NTF3: variants seen among roughly 807,000 people sequenced by gnomAD.
NTF3 encodes the protein neurotrophin 3, also known as neurotrophin-3.
A neutral mutation model predicts 26.3 loss-of-function variants in NTF3; 8 were observed. The observed-to-expected ratio is 0.30, with a 90% CI of 0.18 to 0.55. NTF3 has a LOEUF of 0.55. NTF3 is among the 20% of genes least tolerant of loss of function. The pLI, the probability that NTF3 is intolerant of heterozygous loss-of-function variation, is 0.93. For synonymous variants in NTF3, 154 were observed against 145.5 expected (o/e 1.06, Z -0.42); for missense variants, 276 against 352.9 (o/e 0.78, Z 1.75).
At chr12:5,486,830 A>C (rs974131698) in intron 1 of NTF3, among the ~76,000 whole-genome samples, 2 of 152,096 alleles carry the variant, frequency 1.3e-5, no homozygotes, top group Admixed American at 6.5e-5. Flanking sequence ...AAAATTCAAA[A>C]ATTTGAAAAT....
intron 1 of NTF3, among the ~76,000 whole-genome samples, chr12:5,445,161 T>C (rs907784615): frequency 1.1e-4 from 17 of 152,164 alleles, no homozygotes; most frequent in Non-Finnish European, 1.8e-4. Flanking sequence ...GAGGGCTGCT[T>C]GCATGGAAGA....
chr12:5,446,857 G>A (rs781558231), intron 1 of NTF3, among the ~76,000 whole-genome samples: 18 of 152,214 alleles, frequency 1.2e-4, no homozygotes, highest in African/African-American at 3.6e-4. Context: ...AGTGACCTAC[G>A]TGTAGTTTAG....
Position 5,432,220 on chromosome 12 carries a change from C to G in NTF3, c.-105C>G. The G allele has an allele frequency of 2.3e-6, 3 of 1,291,214 alleles. No homozygotes were observed. Among genetic ancestry groups the G allele is most frequent in the South Asian group, 1.2e-5 (1 of 84,308 alleles). 80.0% of individuals were successfully genotyped at this position (1,291,214 alleles called of 1,614,324 possible). A position where few individuals can be genotyped will look rare whatever the true frequency, so the allele number is the denominator to read the frequency against. ...TTTCTTTCTTCCTCTCCTTTTTCCC[C>G]TGCTGGGTAGTGGCTGCGGCGGGGT... On this transcript the variant is annotated 5_prime_UTR_variant, in exon 1 of 2. Coordinates refer to ENST00000423158, the MANE Select transcript of NTF3 (RefSeq NM_001102654.2).
chr12:5,455,230 C>T (rs1325876895), intron 1 of NTF3, among the ~76,000 whole-genome samples: 3 of 152,214 alleles, frequency 2.0e-5, no homozygotes, highest in African/African-American at 7.2e-5. Flanking sequence ...CCTCCCAGCT[C>T]CTGTCTCTCT....
At chr12:5,475,852 GAA>G (rs1488856045) in intron 1 of NTF3, among the ~76,000 whole-genome samples, 13 of 103,070 alleles carry the variant, frequency 1.3e-4, no homozygotes, top group African/African-American at 4.7e-4. Flanking sequence ...GAAAAAAGAA[GAA>G]AGAGAGAGAG....
intron 1 of NTF3, among the ~76,000 whole-genome samples, chr12:5,440,627 A>G (rs937120784): frequency 6.6e-6 from 1 of 152,088 alleles, no homozygotes; most frequent in African/African-American, 2.4e-5. Context: ...TCCTCCTAAC[A>G]CCCACCTGGC....
chr12:5,443,113 C>T (rs56057649), intron 1 of NTF3, among the ~76,000 whole-genome samples: 18,404 of 152,110 alleles, frequency 0.12, 1,401 homozygotes, highest in Middle Eastern at 0.18. Flanking sequence ...CTAAGAGCTG[C>T]GCGATGTTGT....
At chr12:5,470,486 C>A (rs1005688231) in intron 1 of NTF3, among the ~76,000 whole-genome samples, 2 of 152,198 alleles carry the variant, frequency 1.3e-5, no homozygotes, top group Non-Finnish European at 2.9e-5. Context: ...CAGAAGGGGA[C>A]ATCCGTGTTC....
chr12:5,494,200 C>T lies in NTF3; in HGVS notation c.25C>T (p.Gln9Ter). 6.2e-7 allele frequency: 1 copy of T among 1,612,826 alleles called. No homozygotes were observed. Among genetic ancestry groups the T allele is most frequent in the Non-Finnish European group, 8.5e-7 (1 of 1,179,820 alleles). MVTFATILQVNKVMSILFY... is the reference protein window; with the variant it reads MVTFATIL ...ACCTGTGTTTCCTTTTCAGATCTTA[C>T]AGGTGAACAAGGTGATGTCCATCTT... The change falls in exon 2 of 2, where the codon CAG becomes TAG. Residue 9 changes from glutamine (Q) to a stop codon, truncating the protein, a stop_gained. Coordinates refer to ENST00000423158, the MANE Select transcript of NTF3 (RefSeq NM_001102654.2). LOFTEE classifies it high-confidence loss of function. This position sits in a 1 kb window ranked among gnomAD's most constrained non-coding sequence, Gnocchi z 8.3.
Position 5,495,214 on chromosome 12 carries a change from C to G in NTF3, c.*226C>G. The G allele has an allele frequency of 1.9e-6, 1 of 530,914 alleles. No homozygotes were observed. The highest frequency in any genetic ancestry group is 1.9e-5 in the African/African-American group (1 of 52,600). 32.9% of individuals were successfully genotyped at this position (530,914 alleles called of 1,614,324 possible). ...GTTTTGTGATCCGGCTCTCAGGAGTCACTCTGTAAAATCTGTGTACACCAG... is the reference window on the plus strand; with the variant it reads ...GTTTTGTGATCCGGCTCTCAGGAGTGACTCTGTAAAATCTGTGTACACCAG... On this transcript the variant is annotated 3_prime_UTR_variant, in exon 2 of 2. Coordinates refer to ENST00000423158, the MANE Select transcript of NTF3 (RefSeq NM_001102654.2).
chr12:5,483,611 G>A (rs1940833456), intron 1 of NTF3, among the ~76,000 whole-genome samples: 1 of 152,246 alleles, frequency 6.6e-6, no homozygotes, highest in African/African-American at 2.4e-5. Context: ...ATGTGCATAT[G>A]TGTCTTTATG....
intron 1 of NTF3, among the ~76,000 whole-genome samples, chr12:5,493,644 G>A (rs1265721051): frequency 1.3e-5 from 2 of 152,022 alleles, no homozygotes; most frequent in African/African-American, 2.4e-5. Context: ...TTCCAGCTGC[G>A]GCCTGGCCAG....
intron 1 of NTF3, among the ~76,000 whole-genome samples, chr12:5,437,140 A>G (rs746468441): frequency 2.4e-4 from 37 of 152,210 alleles, no homozygotes; most frequent in Non-Finnish European, 4.4e-4. Flanking sequence ...GTAGAGGGGC[A>G]TGGAAACACA....
At chr12:5,468,351 T>C (rs1478888146) in intron 1 of NTF3, among the ~76,000 whole-genome samples, 2 of 152,224 alleles carry the variant, frequency 1.3e-5, no homozygotes, top group Admixed American at 6.5e-5. Flanking sequence ...TGGATTCATT[T>C]TGAGAACACT....
At chr12:5,492,445 T>C (rs1940949606) in intron 1 of NTF3, among the ~76,000 whole-genome samples, 1 of 152,254 alleles carries the variant, frequency 6.6e-6, no homozygotes, top group Non-Finnish European at 1.5e-5. Context: ...CCTAGTTGTA[T>C]GCCATATTTT....
chr12:5,473,167 T>C (rs1018298066), intron 1 of NTF3, among the ~76,000 whole-genome samples: 15 of 152,210 alleles, frequency 9.9e-5, no homozygotes, highest in African/African-American at 3.6e-4. Context: ...GACCTATGCC[T>C]CTTTTCTCAT....
chr12:5,483,991 A>G (rs1276150479), intron 1 of NTF3, among the ~76,000 whole-genome samples: 7 of 152,224 alleles, frequency 4.6e-5, no homozygotes, highest in Non-Finnish European at 1.0e-4. Flanking sequence ...CTGGGGCCTC[A>G]GGCTTCACAC....
At chr12:5,460,921 G>T (rs1456216858) in intron 1 of NTF3, among the ~76,000 whole-genome samples, 1 of 152,122 alleles carries the variant, frequency 6.6e-6, no homozygotes, top group East Asian at 1.9e-4. Context: ...GCACAATTGG[G>T]TGTATGAGAA....
At chr12:5,459,701 T>C (rs935373765) in intron 1 of NTF3, among the ~76,000 whole-genome samples, 27 of 152,168 alleles carry the variant, frequency 1.8e-4, no homozygotes, top group African/African-American at 6.5e-4. Flanking sequence ...GGCTGTGGTT[T>C]CCCGGAAAAG....
Sources: allele counts gnomAD v4.1 joint callset (sites outside exome capture counted in the v4.1 genomes callset), GRCh38; gene constraint gnomAD v4.1.1; non-coding constraint Gnocchi (gnomAD v3.1); transcripts MANE v1.5; gene names NCBI Gene and HGNC (gene_info 2026-07-23, HGNC 2026-07-21).